Variants in CADPS observed in about 807,000 individuals in gnomAD.
CADPS encodes the protein calcium dependent secretion activator.
CADPS carries 57 observed loss-of-function variants against 167.3 expected under a neutral mutation model. That is an observed-to-expected ratio of 0.34 (90% confidence interval 0.28 to 0.42). CADPS has a LOEUF of 0.42. Among genes scored for constraint, CADPS ranks in the 20% least tolerant of loss-of-function variants. The probability of loss-of-function intolerance (pLI) is 1.00; values close to 1 mark genes in which losing one functional copy is unlikely to be tolerated. For synonymous variants in CADPS, 676 were observed against 635.3 expected, an observed-to-expected ratio of 1.06 and a Z score of -0.96; for missense variants, 1,414 against 1,738.1, an observed-to-expected ratio of 0.81 and a Z score of 3.32.
At chr3:62,525,275 A>G (rs2071779485) in intron 13 of CADPS, among the ~76,000 whole-genome samples, 1 of 152,120 alleles carries the variant, frequency 6.6e-6, no homozygotes, top group Non-Finnish European at 1.5e-5. Context: ...TTAAAAGGAA[A>G]CAAGTTCCAA....
intron 14 of CADPS, among the ~76,000 whole-genome samples, 176 bp from the exon 15 acceptor site, chr3:62,516,819 T>G (rs2069105760): frequency 6.6e-6 from 1 of 152,144 alleles, no homozygotes; most frequent in Admixed American, 6.6e-5. Context: ...AATGTATATA[T>G]GTGTATGTGT....
intron 3 of CADPS, among the ~76,000 whole-genome samples, chr3:62,708,882 A>C (rs920966002): frequency 6.6e-6 from 1 of 151,962 alleles, no homozygotes; most frequent in African/African-American, 2.4e-5. Context: ...TGGGACTGGA[A>C]GTCAAGCAGA....
At chr3:62,868,272 C>T (rs1332360863) in intron 1 of CADPS, among the ~76,000 whole-genome samples, 1 of 152,052 alleles carries the variant, frequency 6.6e-6, no homozygotes, top group African/African-American at 2.4e-5. Context: ...ATCAGTGATA[C>T]TTGTTAAGCA....
At chr3:62,805,060 G>A (rs928518995) in intron 1 of CADPS, among the ~76,000 whole-genome samples, 1 of 152,108 alleles carries the variant, frequency 6.6e-6, no homozygotes, top group Non-Finnish European at 1.5e-5. Context: ...TCTTTGTTGT[G>A]GGTGGCAGTC....
intron 17 of CADPS, among the ~76,000 whole-genome samples, chr3:62,508,920 C>T (rs1368524261): frequency 1.3e-5 from 2 of 151,876 alleles, no homozygotes; most frequent in Admixed American, 6.6e-5. Flanking sequence ...TTCTCTTTGT[C>T]CTCCCCACTT....
chr3:62,615,721 C>G (rs2062166919), intron 6 of CADPS, among the ~76,000 whole-genome samples: 1 of 152,024 alleles, frequency 6.6e-6, no homozygotes, highest in Non-Finnish European at 1.5e-5. Context: ...CAATACACAC[C>G]CACCCACACC....
At chr3:62,789,428 A>G (rs2092744166) in intron 1 of CADPS, among the ~76,000 whole-genome samples, 1 of 152,234 alleles carries the variant, frequency 6.6e-6, no homozygotes, top group African/African-American at 2.4e-5. Context: ...GAGTCTAATC[A>G]GCACACTTAA....
chr3:62,565,601 C>T (rs771671559), intron 9 of CADPS, among the ~76,000 whole-genome samples: 11 of 152,152 alleles, frequency 7.2e-5, no homozygotes, highest in African/African-American at 1.9e-4. Flanking sequence ...ATGGTCCAGG[C>T]CCCCATTTAC....
At chr3:62,474,429 T>C in intron 23 of CADPS, 109 bp from the exon 24 acceptor site, 1 of 989,154 alleles carries the variant, frequency 1.0e-6, no homozygotes, top group Non-Finnish European at 1.5e-6. Flanking sequence ...TGTAATCAGT[T>C]TCAGTCAACA....
In CADPS at chr3:62,412,791, G is replaced by A. The variant is rs1252025948; in HGVS notation, c.3778-9606C>T. Among the ~76,000 whole-genome samples, 1 of 152,154 alleles carries A rather than the reference G, an allele frequency of 6.6e-6. No individual in the cohort carries two copies. The highest frequency in any genetic ancestry group is 2.4e-5 in the African/African-American group (1 of 41,436). ...CTTTCTAAAAGCAAATCAAGCAGGGGAGTTTAATCCAAAGCTTAGCTTATA... is the reference window on the plus strand; with the variant it reads ...CTTTCTAAAAGCAAATCAAGCAGGGAAGTTTAATCCAAAGCTTAGCTTATA... On this transcript the variant is annotated intron_variant, in intron 28 of 29. Coordinates refer to ENST00000383710, the MANE Select transcript of CADPS (RefSeq NM_003716.4). The surrounding 1 kb of genome is among the most constrained non-coding windows in gnomAD (Gnocchi z 4.1).
intron 9 of CADPS, among the ~76,000 whole-genome samples, chr3:62,568,603 T>C (rs1250682417): frequency 1.3e-5 from 2 of 152,210 alleles, no homozygotes; most frequent in Non-Finnish European, 2.9e-5. Context: ...TTCCTTTGTT[T>C]TGAGGCTTTC....
intron 3 of CADPS, among the ~76,000 whole-genome samples, chr3:62,668,610 C>G (rs1317652131): frequency 6.6e-6 from 1 of 152,168 alleles, no homozygotes; most frequent in African/African-American, 2.4e-5. Flanking sequence ...AATGATGCAC[C>G]TTTCCTTTCC....
At chr3:62,801,495 G>A (rs1227623396) in intron 1 of CADPS, among the ~76,000 whole-genome samples, 1 of 152,058 alleles carries the variant, frequency 6.6e-6, no homozygotes, top group Non-Finnish European at 1.5e-5. Flanking sequence ...TTTCCTTAAG[G>A]AATTTTTATG....
chr3:62,874,549 C>G lies in CADPS; in HGVS notation c.441+40G>C, dbSNP rs771938736. On this transcript the variant is annotated intron_variant, in intron 1 of 29. Coordinates refer to ENST00000383710, the MANE Select transcript of CADPS (RefSeq NM_003716.4). The surrounding 1 kb of genome is among the most constrained non-coding windows in gnomAD (Gnocchi z 7.1). ...ATTGTTCACCCCGCCCGCCTGGCGA[C>G]GTCCGGGTGCTGCTCCCTGGGCCTC... The G allele has an allele frequency of 6.8e-7, 1 of 1,474,040 alleles. No homozygotes were observed. Among genetic ancestry groups the G allele is most frequent in the African/African-American group, 1.4e-5 (1 of 70,760 alleles). The allele number at this position is 1,474,040 out of a possible 1,614,324, so 91.3% of individuals were successfully genotyped here.
At chr3:62,654,335 T>C (rs1201106675) in intron 4 of CADPS, among the ~76,000 whole-genome samples, 1 of 152,094 alleles carries the variant, frequency 6.6e-6, no homozygotes. Flanking sequence ...GTAGGTACTG[T>C]AATGGAAGTA....
intron 17 of CADPS, among the ~76,000 whole-genome samples, chr3:62,501,053 G>A (rs1386189934): frequency 1.3e-5 from 2 of 152,164 alleles, no homozygotes; most frequent in African/African-American, 2.4e-5. Context: ...CAAGTCAATG[G>A]AAAGCTCCAT....
chr3:62,573,584 G>A (rs2081703558), intron 8 of CADPS, among the ~76,000 whole-genome samples: 1 of 152,148 alleles, frequency 6.6e-6, no homozygotes, highest in Non-Finnish European at 1.5e-5. Context: ...TATCTACATT[G>A]TGTATCTGTA....
chr3:62,493,756 A>C (rs1410170096), intron 18 of CADPS, 91 bp from the exon 19 acceptor site: 1 of 1,066,758 alleles, frequency 9.4e-7, no homozygotes, highest in African/African-American at 1.6e-5. Flanking sequence ...TTTCCATTTT[A>C]ATTTACAGTA....
At chr3:62,842,662 CAG>C (rs1559879162) in intron 1 of CADPS, among the ~76,000 whole-genome samples, 1 of 152,094 alleles carries the variant, frequency 6.6e-6, no homozygotes, top group Non-Finnish European at 1.5e-5. Flanking sequence ...CAGAAATTTG[CAG>C]AGAGAAGAAT....
Sources: allele counts gnomAD v4.1 joint callset (sites outside exome capture counted in the v4.1 genomes callset), GRCh38; gene constraint gnomAD v4.1.1; non-coding constraint Gnocchi (gnomAD v3.1); transcripts MANE v1.5; gene names NCBI Gene and HGNC (gene_info 2026-07-23, HGNC 2026-07-21).